PTPRD: variants seen among roughly 807,000 people sequenced by gnomAD.
The protein encoded by PTPRD is protein tyrosine phosphatase receptor type D.
In PTPRD, 34 loss-of-function variants were observed where a neutral mutation model predicts 214.5. The ratio of observed to expected loss-of-function variants is 0.16; its 90% confidence interval spans 0.12 to 0.21. PTPRD has a LOEUF of 0.21. Among genes scored for constraint, PTPRD ranks in the 10% least tolerant of loss-of-function variants. The pLI is 1.00. For missense variants in PTPRD, 2,545 were observed against 2,398.7 expected (o/e 1.06, Z -1.27); for synonymous variants, 1,128 against 845.7 (o/e 1.33, Z -5.79).
intron 5 of PTPRD, among the ~76,000 whole-genome samples, chr9:9,833,677 C>G (rs1349525534): frequency 9.2e-6 from 1 of 109,260 alleles, no homozygotes; most frequent in Non-Finnish European, 1.7e-5. Flanking sequence ...CAGGTACGCT[C>G]CGGAGAGGGG....
At chr9:9,534,806 G>A (rs1014665167) in intron 8 of PTPRD, among the ~76,000 whole-genome samples, 1 of 151,880 alleles carries the variant, frequency 6.6e-6, no homozygotes, top group African/African-American at 2.4e-5. Flanking sequence ...TTTTACTTTT[G>A]CCTCTATCAT....
intron 12 of PTPRD, among the ~76,000 whole-genome samples, chr9:8,682,898 T>C (rs1345482629): frequency 6.6e-6 from 1 of 152,130 alleles, no homozygotes; most frequent in East Asian, 1.9e-4. Context: ...TGTAAGCGAG[T>C]TTCTGCTGTT....
intron 6 of PTPRD, among the ~76,000 whole-genome samples, chr9:9,746,979 G>A (rs967182792): frequency 6.6e-6 from 1 of 152,082 alleles, no homozygotes; most frequent in Admixed American, 6.5e-5. Flanking sequence ...GTAGGTGTTA[G>A]GAAACGTTTA....
At chr9:10,121,734 A>T (rs985927739) in intron 3 of PTPRD, among the ~76,000 whole-genome samples, 1 of 152,162 alleles carries the variant, frequency 6.6e-6, no homozygotes, top group African/African-American at 2.4e-5. Flanking sequence ...TAACTCTGTA[A>T]CTTAAATATT....
intron 3 of PTPRD, among the ~76,000 whole-genome samples, chr9:10,256,987 A>T (rs1163937864): frequency 1.3e-5 from 2 of 152,194 alleles, no homozygotes; most frequent in African/African-American, 4.8e-5. Context: ...CTATATATCA[A>T]TACATTTCAG....
rs114525054 is a variant in PTPRD, at chr9:9,443,651, G to T, written c.-236-46169C>A. ...ATGAGAACACATAGAGAAGGGGGTA[G>T]CTCAGCTGACCCAGCCCTCTAGCTG... On this transcript the variant is annotated intron_variant, in intron 8 of 45. Transcript: ENST00000381196. Among the ~76,000 whole-genome samples the T allele has an allele frequency of 5.2e-3, 799 of 152,226 alleles. 6 individuals carry two copies. Among genetic ancestry groups the T allele is most frequent in the African/African-American group, 0.013 (522 of 41,522 alleles).
At chr9:9,670,453 C>T (rs2096805857) in intron 7 of PTPRD, among the ~76,000 whole-genome samples, 1 of 152,174 alleles carries the variant, frequency 6.6e-6, no homozygotes, top group Admixed American at 6.6e-5. Context: ...TTCAAGCTGG[C>T]TTCAGAAATT....
intron 39 of PTPRD, among the ~76,000 whole-genome samples, chr9:8,347,584 C>G (rs887502598): frequency 3.9e-5 from 6 of 152,128 alleles, no homozygotes; most frequent in African/African-American, 1.4e-4. Flanking sequence ...AAACTGAAAT[C>G]TGTTATGGGC....
At chr9:10,125,303 C>CTATTTAAAG (rs2098807446) in intron 3 of PTPRD, among the ~76,000 whole-genome samples, 2 of 151,716 alleles carry the variant, frequency 1.3e-5, no homozygotes. Flanking sequence ...ACATGTTGTG[C>CTATTTAAAG]TATTTAAAGT....
At chr9:8,789,338 G>A (rs962000486) in intron 11 of PTPRD, among the ~76,000 whole-genome samples, 1 of 152,188 alleles carries the variant, frequency 6.6e-6, no homozygotes, top group Non-Finnish European at 1.5e-5. Flanking sequence ...GAAAATGTGG[G>A]ACATAAATGG....
At chr9:9,242,421 A>C (rs989698602) in intron 9 of PTPRD, among the ~76,000 whole-genome samples, 5 of 152,128 alleles carry the variant, frequency 3.3e-5, no homozygotes, top group African/African-American at 1.2e-4. Flanking sequence ...GTTCTCCTGG[A>C]TAATATCCTG....
At chr9:10,113,349 G>A (rs973515375) in intron 3 of PTPRD, among the ~76,000 whole-genome samples, 99 of 152,294 alleles carry the variant, frequency 6.5e-4, no homozygotes, top group African/African-American at 1.9e-3. Context: ...TTCACTCTCA[G>A]GCCACTGGGC....
intron 6 of PTPRD, among the ~76,000 whole-genome samples, chr9:9,739,246 C>T (rs530140332): frequency 6.6e-5 from 10 of 152,216 alleles, no homozygotes; most frequent in Admixed American, 4.6e-4. Flanking sequence ...TACTGGGCAT[C>T]CTTGTCTTTA....
chr9:9,054,717 C>T (rs568736311), intron 10 of PTPRD, among the ~76,000 whole-genome samples: 35 of 152,254 alleles, frequency 2.3e-4, no homozygotes, highest in African/African-American at 7.7e-4. Context: ...TGATCATATA[C>T]TGGTGTGTTT....
In PTPRD at chr9:8,733,817, C is replaced by G. The variant is rs2154434830; in HGVS notation, c.27G>C (p.Leu9=). ...TGCGGAGGAAGAAAGTGAGGAGCAG[C>G]AGCAGCAGCCTGGCTACGTGCACCA... The part of the protein sequence containing the change: MVHVARLL[L]LLLTFFLRTD... The change falls in exon 12 of 46, where the codon CTG becomes CTC. Residue 9 remains leucine (L), a synonymous_variant. Transcript: ENST00000381196. The G allele has an allele frequency of 6.4e-7, 1 of 1,552,886 alleles. No homozygotes were observed. The highest frequency in any genetic ancestry group is 1.2e-5 in the South Asian group (1 of 84,116).
At chr9:8,379,753 A>G (rs935887680) in intron 37 of PTPRD, among the ~76,000 whole-genome samples, 1 of 152,192 alleles carries the variant, frequency 6.6e-6, no homozygotes, top group Non-Finnish European at 1.5e-5. Flanking sequence ...CTTTGAGTAC[A>G]TAAGAACTAG....
intron 11 of PTPRD, among the ~76,000 whole-genome samples, chr9:8,921,166 G>C (rs970977257): frequency 4.3e-4 from 66 of 152,250 alleles, no homozygotes; most frequent in African/African-American, 1.5e-3. Context: ...CCTGCCACTG[G>C]AATCTGTGAG....
At chr9:10,141,466 CAGAG>C (rs2098984539) in intron 3 of PTPRD, among the ~76,000 whole-genome samples, 2 of 152,094 alleles carry the variant, frequency 1.3e-5, no homozygotes, top group African/African-American at 4.8e-5. Context: ...AAGAGACAAA[CAGAG>C]AGCCAAATCA....
intron 2 of PTPRD, among the ~76,000 whole-genome samples, chr9:10,408,606 T>A (rs2098401683): frequency 6.6e-6 from 1 of 151,640 alleles, no homozygotes; most frequent in Non-Finnish European, 1.5e-5. Context: ...CTTTGCCAGA[T>A]AATACTTCTA....
Sources: allele counts gnomAD v4.1 joint callset (sites outside exome capture counted in the v4.1 genomes callset), GRCh38; gene constraint gnomAD v4.1.1; transcripts MANE v1.5; gene names NCBI Gene and HGNC (gene_info 2026-07-23, HGNC 2026-07-21).